Variants in AFF3 observed in about 807,000 individuals in gnomAD.
AFF3 encodes AF4/FMR2 family member 3.
Under a neutral mutation model 129.7 loss-of-function variants are expected in AFF3, and 32 were observed. The ratio of observed to expected loss-of-function variants is 0.25; its 90% CI spans 0.19 to 0.33. AFF3 has a LOEUF of 0.33. Ranked by LOEUF, AFF3 falls within the 10% of genes least tolerant of loss-of-function variation. The probability of loss-of-function intolerance (pLI) is 1.00; values close to 1 mark genes in which losing one functional copy is unlikely to be tolerated. For missense variants in AFF3, 1,373 were observed against 1,592.0 expected (o/e 0.86, Z 2.34); for synonymous variants, 644 against 635.4 (o/e 1.01, Z -0.20).
At chr2:100,033,653 A>G (rs1684688991) in intron 4 of AFF3, among the ~76,000 whole-genome samples, 1 of 152,194 alleles carries the variant, frequency 6.6e-6, no homozygotes, top group South Asian at 2.1e-4. Flanking sequence ...ATGATAATCA[A>G]TTCTGATTTG....
intron 7 of AFF3, among the ~76,000 whole-genome samples, chr2:99,957,146 C>CGTGT (rs10602915): frequency 4.0e-5 from 6 of 150,580 alleles, no homozygotes; most frequent in Non-Finnish European, 3.0e-5. Context: ...TGTGGACATA[C>CGTGT]GTGTGTGTGT....
intron 7 of AFF3, among the ~76,000 whole-genome samples, chr2:99,897,936 C>T (rs551517158): frequency 3.9e-5 from 6 of 152,262 alleles, no homozygotes; most frequent in South Asian, 4.1e-4. Context: ...AATAAAAACA[C>T]ATTAATTGTG....
intron 8 of AFF3, among the ~76,000 whole-genome samples, chr2:99,763,937 C>T (rs921550022): frequency 6.6e-6 from 1 of 152,234 alleles, no homozygotes; most frequent in Non-Finnish European, 1.5e-5. Flanking sequence ...GATTAATCTA[C>T]TTCATTGCAG....
chr2:99,641,044 C>T (rs911630646), intron 13 of AFF3, among the ~76,000 whole-genome samples: 1 of 152,222 alleles, frequency 6.6e-6, no homozygotes, highest in African/African-American at 2.4e-5. Context: ...AGGCCTGCCA[C>T]TCCCTGTCCA....
At chr2:99,594,691 T>G (rs1258938630) in intron 14 of AFF3, among the ~76,000 whole-genome samples, 1 of 152,210 alleles carries the variant, frequency 6.6e-6, no homozygotes, top group East Asian at 1.9e-4. Flanking sequence ...AATCACTTGT[T>G]TTTTTGGTGA....
intron 7 of AFF3, among the ~76,000 whole-genome samples, chr2:99,993,841 T>G (rs1481935714): frequency 6.9e-6 from 1 of 144,390 alleles, no homozygotes; most frequent in Non-Finnish European, 1.5e-5. Context: ...GTTTCAATCT[T>G]GTTGCCCAGG....
chr2:99,641,853 G>C (rs1684228260), intron 13 of AFF3, among the ~76,000 whole-genome samples: 1 of 152,098 alleles, frequency 6.6e-6, no homozygotes, highest in African/African-American at 2.4e-5. Flanking sequence ...CTGTTCTAAG[G>C]AGATCTATGA....
At chr2:100,116,205 T>G (rs1691727445) in intron 2 of AFF3, among the ~76,000 whole-genome samples, 1 of 152,176 alleles carries the variant, frequency 6.6e-6, no homozygotes, top group Non-Finnish European at 1.5e-5. Context: ...CTTTCCATAC[T>G]TCTCCTTTTT....
intron 7 of AFF3, among the ~76,000 whole-genome samples, chr2:99,986,837 G>A (rs768242682): frequency 7.2e-5 from 11 of 152,144 alleles, no homozygotes; most frequent in Non-Finnish European, 1.2e-4. Flanking sequence ...ATTCAGAATT[G>A]TACTTTTCCA....
intron 7 of AFF3, among the ~76,000 whole-genome samples, chr2:99,888,266 AAG>A (rs1693269818): frequency 6.6e-6 from 1 of 152,246 alleles, no homozygotes; most frequent in South Asian, 2.1e-4. Flanking sequence ...GAATAAATTA[AAG>A]AGAGCTCATC....
Position 99,582,801 on chromosome 2 carries a change from GAGGTCTCC to G in AFF3, c.2782_2789del (p.Gly928HisfsTer9). 6.2e-7 allele frequency: 1 copy of G among 1,614,060 alleles called. No individual in the cohort carries two copies. The highest frequency in any genetic ancestry group is 8.5e-7 in the Non-Finnish European group (1 of 1,179,974). On this transcript the variant is annotated frameshift_variant, in exon 17 of 25. Transcript: ENST00000672756. LOFTEE classifies it high-confidence loss of function. ...GAAAGGAAGAGCATCAACAAACCGT[GAGGTCTCC>G]GCCGTGAGGCTGCAGCTGGCTGTCG...
At chr2:99,631,096 C>T in intron 13 of AFF3, 1 of 353,926 alleles carries the variant, frequency 2.8e-6, no homozygotes, top group Admixed American at 3.8e-5. Flanking sequence ...CAGGGCCTGG[C>T]TCCTGGGAGT....
chr2:99,619,522 T>TA (rs1222023544), intron 13 of AFF3, among the ~76,000 whole-genome samples: 2 of 152,312 alleles, frequency 1.3e-5, no homozygotes, highest in Non-Finnish European at 1.5e-5. Context: ...GCACAGCTGA[T>TA]AGACTGTGTC....
At chr2:99,958,561 T>G (rs1280058155) in intron 7 of AFF3, among the ~76,000 whole-genome samples, 1 of 151,080 alleles carries the variant, frequency 6.6e-6, no homozygotes, top group African/African-American at 2.4e-5. Flanking sequence ...AGGTGGACGA[T>G]CCTATGCTAA....
At chr2:99,881,484 A>T (rs1692714119) in intron 7 of AFF3, among the ~76,000 whole-genome samples, 1 of 152,078 alleles carries the variant, frequency 6.6e-6, no homozygotes, top group South Asian at 2.1e-4. Context: ...TTCATTGAAA[A>T]AAAGCCCTCA....
rs145368049 is a variant in AFF3, at chr2:100,008,903, C to T, written c.83G>A (p.Arg28Gln). Residue 28 changes from arginine (R) to glutamine (Q), a missense_variant, in exon 5 of 25, where the codon CGG (arginine) becomes CAG (glutamine). Transcript: ENST00000672756. ...ATTTCTTCTTTCTCGTTCTTTCCTC[C>T]GTAATGCATTTCTATCTGGTTCATA... is the stretch of plus-strand genomic sequence containing the variant. ...CVYEPDRNAL[R>Q]RKERERRNQE... 6.2e-6 allele frequency: 10 copies of T among 1,613,794 alleles called. No homozygotes were observed. The highest frequency in any genetic ancestry group is 2.7e-5 in the African/African-American group (2 of 74,906).
Position 99,593,332 on chromosome 2 carries a change from T to C in AFF3, c.2329A>G (p.Arg777Gly), listed in dbSNP as rs1461849330. 6 of 1,614,100 alleles carry C rather than the reference T, an allele frequency of 3.7e-6. No homozygotes were observed. In the Admixed American group the frequency reaches 6.7e-5, roughly 18 times the overall value. The change falls in exon 15 of 25, where the codon AGG becomes GGG. Residue 777 changes from arginine (R) to glycine (G), a missense_variant. Arg to Gly is a moderately radical substitution (Grantham distance 125, BLOSUM62 -2). Around this residue, in one of 9 missense-constraint regions of AFF3, gnomAD observed 466 missense variants for 505.0 expected, o/e 0.92. Transcript: ENST00000672756. The stretch of plus-strand genomic sequence containing the variant: ...TCCTGGGGCAGGTGTTCTGGGATCC[T>C]GGACAGGAGGGTCAGGTCGATTTTG... ...WVKIDLTLLSRIPEHLPQEPG... is the reference protein window; with the variant it reads ...WVKIDLTLLSGIPEHLPQEPG...
intron 13 of AFF3, among the ~76,000 whole-genome samples, chr2:99,618,221 A>ATTTTTTTTTT (rs1681632191): frequency 3.9e-5 from 4 of 103,476 alleles, no homozygotes; most frequent in Admixed American, 1.1e-4. Flanking sequence ...TGCTCATAAC[A>ATTTTTTTTTT]TTCTTTTTTT....
chr2:99,832,791 T>C (rs952542312), intron 8 of AFF3, among the ~76,000 whole-genome samples: 1 of 152,202 alleles, frequency 6.6e-6, no homozygotes, highest in African/African-American at 2.4e-5. Flanking sequence ...ACTTTTGTTT[T>C]GAGTTTATTT....
Sources: gnomAD v4.1 joint callset for allele counts (sites outside exome capture counted in the v4.1 genomes callset) on GRCh38, gnomAD v4.1.1 for gene constraint, gnomAD v4.1.1 regional missense constraint, MANE v1.5 for transcripts, NCBI Gene and HGNC (gene_info 2026-07-23, HGNC 2026-07-21) for gene names.